Variants in GNAS observed in about 807,000 individuals in gnomAD.
The protein encoded by GNAS is protein ALEX.
GNAS carries 8 observed loss-of-function variants against 54.5 expected under a neutral mutation model. The ratio of observed to expected loss-of-function variants is 0.15; its 90% CI spans 0.09 to 0.26. The LOEUF (loss-of-function observed/expected upper bound fraction) is 0.26, where lower values mean the gene tolerates loss of function less well. Among genes scored for constraint, GNAS ranks in the 10% least tolerant of loss-of-function variants. The pLI is 1.00. For missense variants in GNAS, 170 were observed against 529.8 expected (o/e 0.32, Z 6.67); for synonymous variants, 204 against 191.4 (o/e 1.07, Z -0.54).
intron 6 of GNAS, among the ~76,000 whole-genome samples, chr20:58,905,753 A>C (rs1267341010): frequency 2.6e-5 from 4 of 152,196 alleles, no homozygotes; most frequent in Non-Finnish European, 4.4e-5. Context: ...AGTATTCCTA[A>C]TTAGTAGGAA....
chr20:58,840,311 C>A (rs187415363), upstream of GNAS: 169 of 1,612,872 alleles, frequency 1.0e-4, no homozygotes, highest in East Asian at 3.6e-3. This position sits in a 1 kb window ranked among gnomAD's most constrained non-coding sequence, Gnocchi z 6.0. Flanking sequence ...TAACGCCCAC[C>A]ACCGCTCCGG....
chr20:58,891,692 C>A lies in GNAS; in HGVS notation c.-35C>A. ...AGGCCGCCCGCGCCCGCCGCCGCCG[C>A]AGCCCGGCCGCGCCCCGCCGCCGCC... On this transcript the variant is annotated 5_prime_UTR_variant, in exon 1 of 13. Transcript: ENST00000371085. 1.0e-6 allele frequency: 1 copy of A among 998,380 alleles called. No homozygotes were observed. The highest frequency in any genetic ancestry group is 1.2e-6 in the Non-Finnish European group (1 of 833,342). The allele number at this position is 998,380 out of a possible 1,614,324, so 61.8% of individuals were successfully genotyped here. A position where few individuals can be genotyped will look rare whatever the true frequency, so the allele number is the denominator to read the frequency against.
chr20:58,894,039 G>GCACACAACAAATT (rs2089794967), intron 1 of GNAS, among the ~76,000 whole-genome samples: 3 of 152,220 alleles, frequency 2.0e-5, no homozygotes, highest in South Asian at 2.1e-4. Context: ...TTTAAATGGT[G>GCACACAACAAATT]ATTCTCACCA....
chr20:58,900,768 G>T (rs999600664), intron 3 of GNAS, among the ~76,000 whole-genome samples: 6 of 152,130 alleles, frequency 3.9e-5, no homozygotes, highest in African/African-American at 1.4e-4. Context: ...TAAAAGTGAT[G>T]ATAAACCCGC....
upstream of GNAS, among the ~76,000 whole-genome samples, chr20:58,887,106 A>C (rs1743210533): frequency 6.6e-6 from 1 of 152,216 alleles, no homozygotes; most frequent in Admixed American, 6.5e-5. Context: ...TAAAAGGGGA[A>C]GGTGGTAATG....
intron 1 of GNAS, among the ~76,000 whole-genome samples, chr20:58,878,070 C>T (rs913554362): frequency 6.6e-6 from 1 of 152,224 alleles, no homozygotes; most frequent in Admixed American, 6.5e-5. Flanking sequence ...TTTTAGGGCC[C>T]TTTCCTGGCA....
intron 1 of GNAS, chr20:58,877,102 C>T (rs1236460208): frequency 6.6e-6 from 1 of 152,102 alleles, no homozygotes; most frequent in Non-Finnish European, 1.5e-5. Flanking sequence ...AAAACTCAGC[C>T]ATGCCATTTT....
chr20:58,854,384 A>G, intron 1 of GNAS: 1 of 1,567,236 alleles, frequency 6.4e-7, no homozygotes, highest in Non-Finnish European at 8.6e-7. Flanking sequence ...GAGGAAAAGT[A>G]CCCTCTCCGG....
At chr20:58,903,504 TTTC>T (rs772462089) in intron 3 of GNAS, 24 bp from the exon 4 acceptor site, 100 of 1,594,188 alleles carry the variant, frequency 6.3e-5, no homozygotes, top group Non-Finnish European at 7.9e-5. Context: ...GCAATATGAT[TTTC>T]TTTTCTTTTC....
At chr20:58,858,481 C>T (rs2086611253) in intron 1 of GNAS, among the ~76,000 whole-genome samples, 1 of 152,156 alleles carries the variant, frequency 6.6e-6, no homozygotes, top group South Asian at 2.1e-4. Flanking sequence ...ACACTATCCA[C>T]CAATAGACTG....
Position 58,854,545 on chromosome 20 carries a change from C to A in GNAS, c.43+13659C>A, listed in dbSNP as rs200566083. The A allele has an allele frequency of 3.5e-4, 547 of 1,575,410 alleles. No homozygotes were observed. Among genetic ancestry groups the A allele is most frequent in the Non-Finnish European group, 4.3e-4 (506 of 1,168,548 alleles). The stretch of plus-strand genomic sequence containing the variant: ...GATCCTGACTCCGGGGCATTCGCAG[C>A]CGATCCCGACTCCGGGGCAGCCCCT... On this transcript the variant is annotated intron_variant, in intron 1 of 12. Coordinates refer to the GNAS transcript ENST00000306090.
upstream of GNAS, chr20:58,890,781 C>T (rs899479313): frequency 2.0e-5 from 3 of 152,420 alleles, no homozygotes; most frequent in Non-Finnish European, 4.4e-5. Context: ...ACCACCATCG[C>T]TGTGTAGTGT....
intron 1 of GNAS, among the ~76,000 whole-genome samples, chr20:58,892,684 G>A (rs1374102150): frequency 6.6e-6 from 1 of 152,136 alleles, no homozygotes; most frequent in African/African-American, 2.4e-5. Context: ...AGGCCGGGCC[G>A]TGGAAGGAGG....
At chr20:58,888,114 C>G (rs181939186), upstream of GNAS, among the ~76,000 whole-genome samples, 1 of 152,296 alleles carries the variant, frequency 6.6e-6, no homozygotes, top group East Asian at 1.9e-4. Context: ...TCTTTTTTCT[C>G]CTTCTCCATC....
chr20:58,894,117 G>A (rs1478169458), intron 1 of GNAS, among the ~76,000 whole-genome samples: 1 of 152,132 alleles, frequency 6.6e-6, no homozygotes, highest in Non-Finnish European at 1.5e-5. Flanking sequence ...CCATCTTAAT[G>A]ACATAAAAAT....
intron 1 of GNAS, chr20:58,855,190 C>A (rs1416112643): frequency 1.1e-5 from 17 of 1,605,748 alleles, no homozygotes; most frequent in Non-Finnish European, 1.4e-5. Flanking sequence ...GTACCCCTGG[C>A]GGAGAAGCGC....
chr20:58,854,984 C>G (rs753322339), intron 1 of GNAS: 1 of 1,612,370 alleles, frequency 6.2e-7, no homozygotes. Context: ...CCAGCAGCGA[C>G]GATGACTCCA....
At chr20:58,888,250 T>G (rs2088735748), upstream of GNAS, among the ~76,000 whole-genome samples, 1 of 152,094 alleles carries the variant, frequency 6.6e-6, no homozygotes, top group African/African-American at 2.4e-5. Flanking sequence ...ACTGCTCACG[T>G]CTTAGCCTGA....
At chr20:58,879,040 TA>T (rs1424908028) in intron 1 of GNAS, among the ~76,000 whole-genome samples, 1 of 152,152 alleles carries the variant, frequency 6.6e-6, no homozygotes, top group Non-Finnish European at 1.5e-5. Context: ...TGTCTCCTCT[TA>T]AAAATAGGCA....
Sources: allele counts gnomAD v4.1 joint callset (sites outside exome capture counted in the v4.1 genomes callset), GRCh38; gene constraint gnomAD v4.1.1; non-coding constraint Gnocchi (gnomAD v3.1); transcripts MANE v1.5; gene names NCBI Gene and HGNC (gene_info 2026-07-23, HGNC 2026-07-21).